WDR7: variants seen among roughly 807,000 people sequenced by gnomAD.
The protein encoded by WDR7 is WD repeat domain 7.
In WDR7, 46 loss-of-function variants were observed where a neutral mutation model predicts 169.4. That is an observed-to-expected ratio of 0.27 (90% CI 0.21 to 0.35). The LOEUF is 0.35. WDR7 is among the 10% of genes least tolerant of loss of function. The probability of loss-of-function intolerance (pLI) is 1.00; values close to 1 mark genes in which losing one functional copy is unlikely to be tolerated. For synonymous variants in WDR7, 612 were observed against 666.8 expected (o/e 0.92, Z 1.27); for missense variants, 1,534 against 1,859.3 (o/e 0.83, Z 3.22).
chr18:56,755,241 A>C (rs1216781700), intron 14 of WDR7, among the ~76,000 whole-genome samples: 1 of 152,094 alleles, frequency 6.6e-6, no homozygotes, highest in African/African-American at 2.4e-5. Flanking sequence ...GTGAACTTTT[A>C]AGTATGTTTA....
intron 2 of WDR7, among the ~76,000 whole-genome samples, chr18:56,676,976 T>C (rs915991349): frequency 6.6e-6 from 1 of 152,204 alleles, no homozygotes; most frequent in African/African-American, 2.4e-5. Context: ...TGAAACGTTG[T>C]AGTTATTTTT....
At chr18:56,814,997 G>A (rs950966788) in intron 19 of WDR7, among the ~76,000 whole-genome samples, 2 of 152,118 alleles carry the variant, frequency 1.3e-5, no homozygotes, top group Non-Finnish European at 2.9e-5. Flanking sequence ...TTCTGGATCT[G>A]TTACGGTGGT....
chr18:56,890,603 A>C (rs1033982605), intron 21 of WDR7, among the ~76,000 whole-genome samples: 5 of 152,206 alleles, frequency 3.3e-5, no homozygotes, highest in Non-Finnish European at 5.9e-5. Context: ...AGATATTCTT[A>C]CCATTCACAA....
At chr18:56,878,499 A>G (rs2046060210) in intron 20 of WDR7, among the ~76,000 whole-genome samples, 1 of 152,172 alleles carries the variant, frequency 6.6e-6, no homozygotes, top group Non-Finnish European at 1.5e-5. Context: ...CCCAATAAAT[A>G]TTTGTTAAAT....
intron 21 of WDR7, among the ~76,000 whole-genome samples, chr18:56,921,681 G>C (rs2046723345): frequency 6.6e-6 from 1 of 152,140 alleles, no homozygotes; most frequent in Non-Finnish European, 1.5e-5. Flanking sequence ...AGGTAGAAAA[G>C]GAGAACGCTT....
At chr18:56,769,802 C>T (rs888856408) in intron 16 of WDR7, among the ~76,000 whole-genome samples, 5 of 152,116 alleles carry the variant, frequency 3.3e-5, no homozygotes, top group African/African-American at 1.2e-4. Context: ...ATAGTTTAAT[C>T]ACTATTCTTT....
At chr18:56,686,751 A>G (rs1375057549) in intron 6 of WDR7, 104 bp from the exon 7 acceptor site, 3 of 973,776 alleles carry the variant, frequency 3.1e-6, no homozygotes, top group Non-Finnish European at 3.1e-6. Context: ...AATGATGAAC[A>G]TATGAAGCGA....
intron 16 of WDR7, among the ~76,000 whole-genome samples, chr18:56,765,301 A>G (rs889089817): frequency 6.6e-6 from 1 of 151,694 alleles, no homozygotes. Context: ...TCTTCGTTGC[A>G]TTTATTTTTT....
intron 12 of WDR7, among the ~76,000 whole-genome samples, chr18:56,716,298 A>G (rs2026191454): frequency 6.6e-6 from 1 of 152,180 alleles, no homozygotes; most frequent in African/African-American, 2.4e-5. Flanking sequence ...TAACGTTTTA[A>G]TGAAGGTTTG....
intron 21 of WDR7, among the ~76,000 whole-genome samples, chr18:56,904,931 A>G (rs116884888): frequency 1.3e-5 from 2 of 152,308 alleles, no homozygotes; most frequent in Non-Finnish European, 2.9e-5. Flanking sequence ...AATGTTCTCC[A>G]GGCAAAAAAT....
chr18:56,910,353 G>A (rs1183373149), intron 21 of WDR7, among the ~76,000 whole-genome samples: 2 of 152,076 alleles, frequency 1.3e-5, no homozygotes, highest in African/African-American at 4.8e-5. Context: ...TAAAAACTTA[G>A]CCTGTATTTG....
intron 26 of WDR7, among the ~76,000 whole-genome samples, chr18:57,013,515 A>G (rs553790301): frequency 6.6e-6 from 1 of 152,362 alleles, no homozygotes; most frequent in East Asian, 1.9e-4. Context: ...TCAAGACCCA[A>G]TGGTGAGACA....
At chr18:56,724,714 A>G (rs903726045) in intron 13 of WDR7, among the ~76,000 whole-genome samples, 1 of 151,730 alleles carries the variant, frequency 6.6e-6, no homozygotes, top group East Asian at 1.9e-4. Context: ...GGTTTGTTAC[A>G]TATGTATACA....
intron 12 of WDR7, among the ~76,000 whole-genome samples, chr18:56,705,574 T>G (rs2025930373): frequency 6.6e-6 from 1 of 152,216 alleles, no homozygotes; most frequent in African/African-American, 2.4e-5. Context: ...ATGCATGTTA[T>G]GTGGAGGTGT....
chr18:56,674,135 G>A (rs769710132), intron 2 of WDR7, among the ~76,000 whole-genome samples: 13 of 152,128 alleles, frequency 8.5e-5, no homozygotes, highest in Non-Finnish European at 1.8e-4. Flanking sequence ...GTGCACTTAG[G>A]TATACACCCG....
At chr18:56,832,138 G>T (rs146051953) in intron 20 of WDR7, among the ~76,000 whole-genome samples, 49 of 152,284 alleles carry the variant, frequency 3.2e-4, no homozygotes, top group African/African-American at 1.2e-3. Context: ...GACCTGGAAT[G>T]CTTGAGCTTG....
intron 13 of WDR7, among the ~76,000 whole-genome samples, chr18:56,720,136 A>G (rs920361092): frequency 1.3e-5 from 2 of 152,186 alleles, no homozygotes; most frequent in African/African-American, 4.8e-5. Context: ...CATTTGCAAG[A>G]CACTGTATTA....
intron 26 of WDR7, among the ~76,000 whole-genome samples, chr18:57,018,778 C>A (rs142147441): frequency 3.4e-4 from 52 of 152,226 alleles, no homozygotes; most frequent in African/African-American, 1.2e-3. Context: ...CTCAGATTGG[C>A]CCAATAGAAT....
chr18:56,875,241 C>A lies in WDR7; in HGVS notation c.3305-4703C>A, dbSNP rs970844583. Among the ~76,000 whole-genome samples the A allele has an allele frequency of 2.6e-5, 4 of 152,250 alleles. No homozygotes were observed. In the East Asian group the frequency reaches 7.7e-4, roughly 29 times the overall value. On this transcript the variant is annotated intron_variant, in intron 20 of 27. Transcript: ENST00000254442. ...GAACTTAGGATATGATATCTCAAAT[C>A]TTTCTGCCATATTTCCATCTTCTCA...
Sources: gnomAD v4.1 joint callset for allele counts (sites outside exome capture counted in the v4.1 genomes callset) on GRCh38, gnomAD v4.1.1 for gene constraint, MANE v1.5 for transcripts, NCBI Gene and HGNC (gene_info 2026-07-23, HGNC 2026-07-21) for gene names.